ZNF280C: variants seen among roughly 807,000 people sequenced by gnomAD.
The protein encoded by ZNF280C is zinc finger protein 280C, also known as suppressor of hairy wing homolog 3.
A neutral mutation model predicts 53.6 loss-of-function variants in ZNF280C; 14 were observed. The observed-to-expected ratio is 0.26, with a 90% CI of 0.17 to 0.41. The LOEUF (loss-of-function observed/expected upper bound fraction) is 0.41. ZNF280C is among the 10% of genes least tolerant of loss of function. The pLI is 1.00. For missense variants in ZNF280C, 416 were observed against 547.1 expected (o/e 0.76, Z 2.39); for synonymous variants, 203 against 181.1 (o/e 1.12, Z -0.97).
intron 1 of ZNF280C, among the ~76,000 whole-genome samples, chrX:130,264,401 A>G (rs2032666738): frequency 8.9e-6 from 1 of 111,974 alleles, no homozygotes. Context: ...CAGGGTCAAC[A>G]GACCTCTCAG....
intron 5 of ZNF280C, among the ~76,000 whole-genome samples, chrX:130,243,286 A>G (rs1218412763): frequency 7.2e-5 from 8 of 111,372 alleles, no homozygotes; most frequent in African/African-American, 2.6e-4. Context: ...GGGCTCAAGC[A>G]ATCCTCCCAT....
Position 130,243,471 on chromosome X carries a change from C to T in ZNF280C, c.381+92G>A. 4.0e-6 allele frequency: 4 copies of T among 1,000,158 alleles called. No homozygotes were observed. In the Admixed American group the frequency reaches 8.0e-5, roughly 20 times the overall value. The allele number at this position is 1,000,158 out of a possible 1,213,427, so 82.4% of individuals were successfully genotyped here. A position where few individuals can be genotyped will look rare whatever the true frequency, so the allele number is the denominator to read the frequency against. ...AGTACCAAAGATTACAGGCGTGAGC[C>T]ACTGTGCCCGGCTGACAGATCACAA... On this transcript the variant is annotated intron_variant, in intron 5 of 18. Coordinates refer to ENST00000370978, the MANE Select transcript of ZNF280C (RefSeq NM_017666.5).
At chrX:130,233,230 A>T (rs2032296209) in intron 8 of ZNF280C, among the ~76,000 whole-genome samples, 1 of 111,509 alleles carries the variant, frequency 9.0e-6, no homozygotes, top group African/African-American at 3.3e-5. Flanking sequence ...ATTAGTCAAA[A>T]GGTATGTAGG....
At chrX:130,268,290 C>T (rs138262802) in intron 1 of ZNF280C, among the ~76,000 whole-genome samples, 41 of 111,451 alleles carry the variant, frequency 3.7e-4, no homozygotes, top group African/African-American at 1.3e-3. Context: ...GAAGGGGTCA[C>T]AGGGTCTCTG....
intron 12 of ZNF280C, among the ~76,000 whole-genome samples, chrX:130,226,464 G>T (rs1358879108): frequency 1.8e-5 from 2 of 111,375 alleles, no homozygotes; most frequent in African/African-American, 3.3e-5. Flanking sequence ...TGAATCTTCT[G>T]TTTTTTCCTC....
intron 12 of ZNF280C, among the ~76,000 whole-genome samples, chrX:130,223,171 C>T (rs999978685): frequency 9.0e-6 from 1 of 110,899 alleles, no homozygotes; most frequent in Non-Finnish European, 1.9e-5. Context: ...GATTCTCCCC[C>T]CTCAGCCTAC....
intron 9 of ZNF280C, 52 bp downstream of exon 9, chrX:130,230,458 T>C (rs2032265566): frequency 1.2e-6 from 1 of 853,821 alleles, no homozygotes; most frequent in South Asian, 2.6e-5. Flanking sequence ...ACTATATTCT[T>C]ATCTGTCATA....
intron 1 of ZNF280C, among the ~76,000 whole-genome samples, chrX:130,265,515 G>C (rs1346323218): frequency 8.9e-6 from 1 of 111,989 alleles, no homozygotes; most frequent in Non-Finnish European, 1.9e-5. Flanking sequence ...AATTCCTAAA[G>C]TAACCTCAAG....
intron 13 of ZNF280C, among the ~76,000 whole-genome samples, chrX:130,218,850 A>G (rs186742950): frequency 3.6e-5 from 4 of 111,567 alleles, no homozygotes; most frequent in South Asian, 3.8e-4. Context: ...ACTTAATTCT[A>G]AAGTGCTATA....
intron 1 of ZNF280C, among the ~76,000 whole-genome samples, chrX:130,261,815 T>A (rs5932733): frequency 0.48 from 51,744 of 108,720 alleles, 9,672 homozygotes; most frequent in African/African-American, 0.67. Flanking sequence ...TTTTTTTTTT[T>A]AATTTTTATG....
At position 130,240,295 on chromosome X, in the gene ZNF280C, C is replaced by T. The variant is rs568878528; in HGVS notation, c.382-602G>A. Among the ~76,000 whole-genome samples, 397 of 111,041 alleles carry T rather than the reference C, an allele frequency of 3.6e-3. 3 individuals are homozygous for T. The highest frequency in any genetic ancestry group is 0.012 in the African/African-American group (375 of 30,705). ...TATCAAATATATATTAATATGGTCCCCTGACTGATATACTCTAATGTCACC... is the reference window on the plus strand; with the variant it reads ...TATCAAATATATATTAATATGGTCCTCTGACTGATATACTCTAATGTCACC... On this transcript the variant is annotated intron_variant, in intron 5 of 18. Transcript: ENST00000370978.
chrX:130,261,968 C>A (rs749291302), intron 1 of ZNF280C, among the ~76,000 whole-genome samples: 169 of 111,590 alleles, frequency 1.5e-3, no homozygotes, highest in African/African-American at 5.1e-3. Flanking sequence ...GTGAACATCA[C>A]TGTGCCTGGC....
intron 2 of ZNF280C, among the ~76,000 whole-genome samples, chrX:130,258,755 C>T (rs1281329878): frequency 1.8e-5 from 2 of 112,207 alleles, no homozygotes; most frequent in Non-Finnish European, 3.8e-5. Context: ...CTTCTTCCAC[C>T]TGGAATACCC....
chrX:130,258,638 TGTAA>T (rs1200947021), intron 2 of ZNF280C, among the ~76,000 whole-genome samples: 1 of 112,390 alleles, frequency 8.9e-6, no homozygotes, highest in East Asian at 2.8e-4. Context: ...CATAGAATGT[TGTAA>T]GTCAGACAAT....
chrX:130,239,947 G>A (rs2032371667), intron 5 of ZNF280C, among the ~76,000 whole-genome samples: 1 of 110,979 alleles, frequency 9.0e-6, no homozygotes, highest in Non-Finnish European at 1.9e-5. Flanking sequence ...AATATTACAG[G>A]CAAAGTAGAG....
intron 5 of ZNF280C, 71 bp from the exon 6 acceptor site, chrX:130,239,764 T>A: frequency 1.8e-6 from 1 of 552,808 alleles, no homozygotes; most frequent in Non-Finnish European, 2.9e-6. Context: ...GTCAATACTA[T>A]AAAGAATCTT....
chrX:130,219,213 G>A (rs1425837065), intron 13 of ZNF280C, among the ~76,000 whole-genome samples: 1 of 111,413 alleles, frequency 9.0e-6, no homozygotes, highest in Non-Finnish European at 1.9e-5. Context: ...AGGGCCAGGC[G>A]TGGTGGCTCA....
intron 2 of ZNF280C, among the ~76,000 whole-genome samples, chrX:130,256,147 A>G (rs1009730330): frequency 9.0e-6 from 1 of 111,004 alleles, no homozygotes; most frequent in African/African-American, 3.3e-5. Context: ...AAAAATAAGA[A>G]TAAGAATAAA....
At chrX:130,236,364 A>G (rs2032333066) in intron 7 of ZNF280C, 44 bp from the exon 8 acceptor site, 1 of 1,141,116 alleles carries the variant, frequency 8.8e-7, no homozygotes. Context: ...CCATCTTTTT[A>G]AAACCTTAAA....
Sources: allele counts gnomAD v4.1 joint callset (sites outside exome capture counted in the v4.1 genomes callset), GRCh38; gene constraint gnomAD v4.1.1; transcripts MANE v1.5; gene names NCBI Gene and HGNC (gene_info 2026-07-23, HGNC 2026-07-21).